MYT1: variants seen among roughly 807,000 people sequenced by gnomAD.
The protein encoded by MYT1 is myelin transcription factor 1.
In MYT1, 23 loss-of-function variants were observed where a neutral mutation model predicts 123.0. The ratio of observed to expected loss-of-function variants is 0.19; its 90% CI spans 0.13 to 0.26. MYT1 has a LOEUF of 0.26. MYT1 is among the 10% of genes least tolerant of loss of function. The probability of loss-of-function intolerance (pLI) is 1.00; values close to 1 mark genes in which losing one functional copy is unlikely to be tolerated. For missense variants in MYT1, 1,125 were observed against 1,472.5 expected (o/e 0.76, Z 3.86); for synonymous variants, 518 against 575.3 (o/e 0.90, Z 1.43).
intron 1 of MYT1, among the ~76,000 whole-genome samples, chr20:64,170,292 G>A (rs1014081066): frequency 6.6e-6 from 1 of 152,120 alleles, no homozygotes; most frequent in Non-Finnish European, 1.5e-5. Context: ...GGGATGCAAT[G>A]TCTCTGCTGT....
chr20:64,216,353 C>T (rs569908794), intron 10 of MYT1, among the ~76,000 whole-genome samples: 1 of 152,364 alleles, frequency 6.6e-6, no homozygotes, highest in East Asian at 1.9e-4. Context: ...GCCTTCTATG[C>T]CAGTTTCTTC....
intron 19 of MYT1, among the ~76,000 whole-genome samples, chr20:64,233,118 T>C (rs58241910): frequency 0.24 from 26,588 of 110,416 alleles, 5,318 homozygotes; most frequent in African/African-American, 0.57. Flanking sequence ...TCCCTCCTCC[T>C]TCCCCTCCCT....
chr20:64,237,652 C>CT, intron 21 of MYT1, among the ~76,000 whole-genome samples: 2 of 152,202 alleles, frequency 1.3e-5, no homozygotes, highest in African/African-American at 4.8e-5. Flanking sequence ...GTGTTAATAA[C>CT]ACTATTAATA....
intron 19 of MYT1, among the ~76,000 whole-genome samples, chr20:64,235,900 A>ACCCTGGGC (rs1984519316): frequency 1.8e-5 from 1 of 57,032 alleles, no homozygotes; most frequent in Non-Finnish European, 3.5e-5. Context: ...TGACCCTGGG[A>ACCCTGGGC]TGGCCGCGGT....
At chr20:64,215,242 C>T (rs556595187) in intron 10 of MYT1, among the ~76,000 whole-genome samples, 77 of 152,314 alleles carry the variant, frequency 5.1e-4, no homozygotes, top group African/African-American at 1.8e-3. Context: ...CAAACAGGCT[C>T]CAACTTTGGA....
chr20:64,223,006 G>A (rs556077066), intron 14 of MYT1, 105 bp from the exon 15 acceptor site: 60 of 1,301,466 alleles, frequency 4.6e-5, no homozygotes, highest in African/African-American at 1.0e-4. Context: ...CGCTTGGCTC[G>A]CGGGTGAGCC....
chr20:64,165,507 C>T (rs1982054782), intron 1 of MYT1, among the ~76,000 whole-genome samples: 1 of 152,130 alleles, frequency 6.6e-6, no homozygotes, highest in Admixed American at 6.5e-5. Flanking sequence ...TTGGTTCTGT[C>T]TATTGAATTC....
At chr20:64,183,587 G>T (rs1982714051) in intron 1 of MYT1, among the ~76,000 whole-genome samples, 1 of 152,254 alleles carries the variant, frequency 6.6e-6, no homozygotes, top group Non-Finnish European at 1.5e-5. Context: ...GTTTTGATTT[G>T]CATTTCCTGG....
intron 1 of MYT1, among the ~76,000 whole-genome samples, chr20:64,182,947 G>A (rs540217379): frequency 5.9e-5 from 9 of 152,336 alleles, no homozygotes; most frequent in East Asian, 1.9e-4. Flanking sequence ...TGGTTTTAGC[G>A]TACGTGTAGG....
At chr20:64,221,665 C>T (rs551738863) in intron 13 of MYT1, among the ~76,000 whole-genome samples, 31 of 152,278 alleles carry the variant, frequency 2.0e-4, no homozygotes, top group South Asian at 6.2e-4. Flanking sequence ...TCTAGGGCAA[C>T]GCAGGACCTC....
intron 14 of MYT1, 86 bp from the exon 15 acceptor site, chr20:64,223,025 G>A (rs1055371769): frequency 3.4e-6 from 5 of 1,492,526 alleles, no homozygotes; most frequent in Non-Finnish European, 4.7e-6. Flanking sequence ...CCAGGAGTGG[G>A]CACCAGTCTC....
chr20:64,215,427 T>C (rs1052203652), intron 10 of MYT1, among the ~76,000 whole-genome samples: 3 of 152,196 alleles, frequency 2.0e-5, no homozygotes, highest in Admixed American at 1.3e-4. Flanking sequence ...TAGGCCCTTT[T>C]GATTCTATCC....
chr20:64,178,445 C>T (rs1451778177), intron 1 of MYT1, among the ~76,000 whole-genome samples: 4 of 151,818 alleles, frequency 2.6e-5, no homozygotes, highest in Admixed American at 2.0e-4. Context: ...CCTCGCCTTT[C>T]GTGACCTTGT....
rs1033935865 is a variant in MYT1, at chr20:64,218,026, C to T, written c.1846+745C>T. Reference sequence around the variant, plus strand: ...CATCGCGGGGCAGATGTTGTCAGCCCCAAACATGACGTGACGAGTTTCCTA... The same window carrying T: ...CATCGCGGGGCAGATGTTGTCAGCCTCAAACATGACGTGACGAGTTTCCTA... On this transcript the variant is annotated intron_variant, in intron 11 of 22. Transcript: ENST00000328439. The surrounding 1 kb of genome is among the most constrained non-coding windows in gnomAD (Gnocchi z 4.0). Among the ~76,000 whole-genome samples, 2 of 152,142 alleles carry T rather than the reference C, an allele frequency of 1.3e-5. No homozygotes were observed. The highest frequency in any genetic ancestry group is 2.9e-5 in the Non-Finnish European group (2 of 68,028).
chr20:64,216,608 G>A (rs905307431), intron 10 of MYT1, among the ~76,000 whole-genome samples: 4 of 152,240 alleles, frequency 2.6e-5, no homozygotes, highest in African/African-American at 4.8e-5. Context: ...AGCGTCTCCT[G>A]TAGATTCCTC....
intron 1 of MYT1, among the ~76,000 whole-genome samples, chr20:64,170,231 TCCTTTACTTA>T (rs1456259060): frequency 6.6e-6 from 1 of 151,944 alleles, no homozygotes; most frequent in Non-Finnish European, 1.5e-5. Context: ...CCCCGGGCCC[TCCTTTACTTA>T]CCTTTACTCT....
Position 64,231,898 on chromosome 20 carries a change from C to T in MYT1, c.2676-266C>T, listed in dbSNP as rs112868158. On this transcript the variant is annotated intron_variant, in intron 18 of 22. Transcript: ENST00000328439. The surrounding 1 kb of genome is among the most constrained non-coding windows in gnomAD (Gnocchi z 6.4). The stretch of plus-strand genomic sequence containing the variant: ...CCAGGGTCACGGCTGCTGGAGGGCA[C>T]GGAAAGAAGGTGGCTGTGGAGACCC... Among the ~76,000 whole-genome samples, 7 of 152,202 alleles carry T rather than the reference C, an allele frequency of 4.6e-5. No homozygotes were observed. Among genetic ancestry groups the T allele is most frequent in the South Asian group, 4.1e-4 (2 of 4,826 alleles).
In MYT1 at chr20:64,208,588, G is replaced by A. The variant is rs1037133811; in HGVS notation, c.1291+101G>A. 1.8e-5 allele frequency: 27 copies of A among 1,462,290 alleles called. No individual in the cohort carries two copies. The highest frequency in any genetic ancestry group is 4.3e-5 in the South Asian group (3 of 69,280). The allele number at this position is 1,462,290 out of a possible 1,614,324, so 90.6% of individuals were successfully genotyped here. ...AGCCCTTCTAGGACAGGGGGCTGGG[G>A]GATGGCAGAAAAGCAGACAAAAGGA... On this transcript the variant is annotated intron_variant, in intron 7 of 22. Coordinates refer to ENST00000328439, the MANE Select transcript of MYT1 (RefSeq NM_004535.3). This position sits in a 1 kb window ranked among gnomAD's most constrained non-coding sequence, Gnocchi z 5.4.
intron 2 of MYT1, among the ~76,000 whole-genome samples, chr20:64,197,906 C>A (rs556580253): frequency 2.6e-5 from 4 of 152,170 alleles, no homozygotes; most frequent in African/African-American, 7.2e-5. Context: ...GCAGCCAGGC[C>A]CTCGAGGCCT....
Sources: allele counts gnomAD v4.1 joint callset (sites outside exome capture counted in the v4.1 genomes callset), GRCh38; gene constraint gnomAD v4.1.1; non-coding constraint Gnocchi (gnomAD v3.1); transcripts MANE v1.5; gene names NCBI Gene and HGNC (gene_info 2026-07-23, HGNC 2026-07-21).